Variants in KCNN3 observed in about 807,000 individuals in gnomAD.
The protein encoded by KCNN3 is small conductance calcium-activated potassium channel protein 3.
Under a neutral mutation model 62.9 loss-of-function variants are expected in KCNN3, and 16 were observed. The observed-to-expected ratio is 0.25, with a 90% CI of 0.17 to 0.39. The LOEUF (loss-of-function observed/expected upper bound fraction) is 0.39. Among genes scored for constraint, KCNN3 ranks in the 10% least tolerant of loss-of-function variants. The pLI, the probability that KCNN3 is intolerant of heterozygous loss-of-function variation, is 1.00. For missense variants in KCNN3, 599 were observed against 949.4 expected (o/e 0.63, Z 4.85); for synonymous variants, 370 against 389.2 (o/e 0.95, Z 0.58).
At chr1:154,743,946 C>A (rs1464544280) in intron 3 of KCNN3, among the ~76,000 whole-genome samples, 1 of 152,122 alleles carries the variant, frequency 6.6e-6, no homozygotes, top group Non-Finnish European at 1.5e-5. Flanking sequence ...AGGCTCTTAT[C>A]CCAGATAATT....
intron 3 of KCNN3, among the ~76,000 whole-genome samples, chr1:154,748,380 A>C (rs1700985917): frequency 6.6e-6 from 1 of 152,150 alleles, no homozygotes. Context: ...GGGGCTTCAC[A>C]GTTCATCGTT....
At chr1:154,736,658 G>A (rs1453831417) in intron 3 of KCNN3, among the ~76,000 whole-genome samples, 1 of 152,084 alleles carries the variant, frequency 6.6e-6, no homozygotes, top group African/African-American at 2.4e-5. Context: ...TGTGCACGTG[G>A]GTCTCCACAG....
intron 3 of KCNN3, among the ~76,000 whole-genome samples, chr1:154,735,434 C>T (rs1457650984): frequency 6.6e-6 from 1 of 152,170 alleles, no homozygotes. Flanking sequence ...AAGATACCCC[C>T]TCCCCAAAGC....
At chr1:154,782,878 T>G (rs1285742524) in intron 2 of KCNN3, among the ~76,000 whole-genome samples, 1 of 152,158 alleles carries the variant, frequency 6.6e-6, no homozygotes, top group African/African-American at 2.4e-5. Context: ...AAGCAGGCAC[T>G]CTATTTGGGG....
intron 5 of KCNN3, among the ~76,000 whole-genome samples, chr1:154,722,535 G>A (rs1489311679): frequency 6.6e-6 from 1 of 151,324 alleles, no homozygotes; most frequent in Admixed American, 6.6e-5. Context: ...CTACAGGCAC[G>A]TGCCACTACG....
chr1:154,746,166 C>T (rs1571233092), intron 3 of KCNN3, among the ~76,000 whole-genome samples: 1 of 152,192 alleles, frequency 6.6e-6, no homozygotes, highest in African/African-American at 2.4e-5. Context: ...GTGTGCCTGG[C>T]TTGGTGCCTA....
chr1:154,728,330 C>A (rs187711278), intron 4 of KCNN3, among the ~76,000 whole-genome samples: 11 of 152,296 alleles, frequency 7.2e-5, no homozygotes, highest in Admixed American at 7.2e-4. Flanking sequence ...TTATGACTCC[C>A]TTGTGAGTAT....
chr1:154,819,004 A>C (rs1346720413), intron 2 of KCNN3, among the ~76,000 whole-genome samples: 1 of 152,230 alleles, frequency 6.6e-6, no homozygotes, highest in Non-Finnish European at 1.5e-5. Flanking sequence ...ACTGTGGATG[A>C]GGAAAGCTGT....
At chr1:154,846,727 G>C (rs1300532160) in intron 1 of KCNN3, among the ~76,000 whole-genome samples, 1 of 152,180 alleles carries the variant, frequency 6.6e-6, no homozygotes, top group Admixed American at 6.5e-5. Flanking sequence ...AGAAAGCACT[G>C]GCTCCAGAAG....
intron 3 of KCNN3, among the ~76,000 whole-genome samples, chr1:154,741,924 CT>C (rs1700828906): frequency 6.6e-6 from 1 of 152,240 alleles, no homozygotes; most frequent in Non-Finnish European, 1.5e-5. Flanking sequence ...GCTGTGAACC[CT>C]GTGCTTGCGA....
At position 154,869,853 on chromosome 1, in the gene KCNN3, G is replaced by GC; in HGVS notation, c.111_112insG (p.Gln38AlafsTer97). The GC allele has an allele frequency of 1.3e-6, 2 of 1,584,470 alleles. No individual in the cohort carries two copies. The highest frequency in any genetic ancestry group is 4.6e-5 in the East Asian group (2 of 43,330). On this transcript the variant is annotated frameshift_variant, in exon 1 of 8. Coordinates refer to ENST00000271915, the MANE Select transcript of KCNN3 (RefSeq NM_002249.6). LOFTEE classifies it high-confidence loss of function. This position sits in a 1 kb window ranked among gnomAD's most constrained non-coding sequence, Gnocchi z 6.1. ...GCTGGCGGTGGTGGCTGCTGCTGCTGTTGCTGCTGCTGCTGCTGCTGCTGC... is the reference window on the plus strand; with the variant it reads ...GCTGGCGGTGGTGGCTGCTGCTGCTGCTTGCTGCTGCTGCTGCTGCTGCTGC...
intron 6 of KCNN3, 58 bp downstream of exon 6, chr1:154,714,818 G>C: frequency 1.2e-6 from 2 of 1,608,330 alleles, no homozygotes; most frequent in Non-Finnish European, 1.7e-6. Flanking sequence ...CAGAGTTGTA[G>C]GAGTCCCGCC....
chr1:154,760,918 G>A (rs975016376), intron 3 of KCNN3, among the ~76,000 whole-genome samples: 2 of 151,980 alleles, frequency 1.3e-5, no homozygotes, highest in African/African-American at 4.8e-5. Context: ...GCCACTGGCC[G>A]ACGGGTCGGA....
At chr1:154,807,798 T>C (rs1292160931) in intron 2 of KCNN3, among the ~76,000 whole-genome samples, 12 of 152,076 alleles carry the variant, frequency 7.9e-5, no homozygotes, top group African/African-American at 2.2e-4. Context: ...GGTTGGGTGG[T>C]GTTCAGTCAG....
At chr1:154,792,323 G>A (rs985106772) in intron 2 of KCNN3, among the ~76,000 whole-genome samples, 4 of 152,228 alleles carry the variant, frequency 2.6e-5, no homozygotes, top group Admixed American at 1.3e-4. Flanking sequence ...AGTGACAGAA[G>A]GAGGTGGGCT....
intron 3 of KCNN3, among the ~76,000 whole-genome samples, chr1:154,771,036 G>A (rs1199621501): frequency 2.0e-5 from 3 of 151,408 alleles, no homozygotes; most frequent in Non-Finnish European, 2.9e-5. Context: ...CAGCCTGGGC[G>A]AGAGAGCGAG....
At chr1:154,788,812 A>G (rs1369765088) in intron 2 of KCNN3, among the ~76,000 whole-genome samples, 2 of 152,192 alleles carry the variant, frequency 1.3e-5, no homozygotes, top group African/African-American at 4.8e-5. Context: ...AATGACTTAC[A>G]CATACTAGCT....
At chr1:154,795,429 G>A (rs1009974749) in intron 2 of KCNN3, among the ~76,000 whole-genome samples, 5 of 152,144 alleles carry the variant, frequency 3.3e-5, no homozygotes, top group Admixed American at 1.3e-4. Flanking sequence ...TGATCACAAC[G>A]TGGTAAGGCT....
intron 2 of KCNN3, among the ~76,000 whole-genome samples, chr1:154,804,336 G>A (rs1384747200): frequency 6.6e-6 from 1 of 152,262 alleles, no homozygotes; most frequent in African/African-American, 2.4e-5. Flanking sequence ...CGCAAATGCG[G>A]ATGGATGGCA....
Sources: allele counts gnomAD v4.1 joint callset (sites outside exome capture counted in the v4.1 genomes callset), GRCh38; gene constraint gnomAD v4.1.1; non-coding constraint Gnocchi (gnomAD v3.1); transcripts MANE v1.5; gene names NCBI Gene and HGNC (gene_info 2026-07-23, HGNC 2026-07-21).